Variants in MAGI1 observed in about 807,000 individuals in gnomAD.
The protein encoded by MAGI1 is membrane-associated guanylate kinase, WW and PDZ domain-containing protein 1.
MAGI1 carries 58 observed loss-of-function variants against 139.9 expected under a neutral mutation model. That is an observed-to-expected ratio of 0.41 (90% CI 0.34 to 0.52). The LOEUF is 0.52. Among genes scored for constraint, MAGI1 ranks in the 20% least tolerant of loss-of-function variants. The pLI is 0.12. For synonymous variants in MAGI1, 812 were observed against 737.9 expected (o/e 1.10, Z -1.63); for missense variants, 1,874 against 1,901.6 (o/e 0.99, Z 0.27).
At chr3:65,388,323 G>A (rs141247348) in intron 14 of MAGI1, among the ~76,000 whole-genome samples, 381 of 152,246 alleles carry the variant, frequency 2.5e-3, no homozygotes, top group African/African-American at 8.9e-3. Context: ...AAAGAAAAAT[G>A]TATTTCCAAC....
chr3:65,814,746 G>A (rs772290151), intron 1 of MAGI1, among the ~76,000 whole-genome samples: 1 of 151,976 alleles, frequency 6.6e-6, no homozygotes, highest in Non-Finnish European at 1.5e-5. Flanking sequence ...GAAAAATATG[G>A]CTGTCATCTT....
chr3:65,868,933 A>C (rs1235705924), intron 1 of MAGI1, among the ~76,000 whole-genome samples: 1 of 152,018 alleles, frequency 6.6e-6, no homozygotes, highest in Non-Finnish European at 1.5e-5. Flanking sequence ...ACCCTGCCCT[A>C]CTTTTTCCTT....
chr3:65,835,295 AC>A (rs1443253312), intron 1 of MAGI1, among the ~76,000 whole-genome samples: 1 of 152,222 alleles, frequency 6.6e-6, no homozygotes, highest in Admixed American at 6.5e-5. Context: ...CTATGTAACT[AC>A]CTTATTCACA....
At chr3:65,425,247 T>C (rs1242664827) in intron 12 of MAGI1, among the ~76,000 whole-genome samples, 2 of 152,146 alleles carry the variant, frequency 1.3e-5, no homozygotes, top group African/African-American at 4.8e-5. Context: ...TGCTTTATCA[T>C]GTGATGACTA....
chr3:65,769,429 C>T (rs1402702451), intron 1 of MAGI1, among the ~76,000 whole-genome samples: 1 of 152,048 alleles, frequency 6.6e-6, no homozygotes, highest in Non-Finnish European at 1.5e-5. Flanking sequence ...TTTTAGGCTG[C>T]AGTAAGCTAT....
chr3:65,454,526 T>TATAATA (rs35819390), intron 5 of MAGI1, among the ~76,000 whole-genome samples: 123 of 83,104 alleles, frequency 1.5e-3, no homozygotes, highest in Middle Eastern at 0.014. Context: ...AAACTGAAAG[T>TATAATA]ATAATAATAA....
At chr3:65,545,698 G>A (rs753764643) in intron 2 of MAGI1, among the ~76,000 whole-genome samples, 18 of 151,854 alleles carry the variant, frequency 1.2e-4, no homozygotes, top group Admixed American at 2.6e-4. Context: ...TTCTCGAGAG[G>A]CCTCCCTCAT....
At chr3:65,764,996 A>T (rs1326200471) in intron 1 of MAGI1, among the ~76,000 whole-genome samples, 3 of 152,200 alleles carry the variant, frequency 2.0e-5, no homozygotes, top group African/African-American at 7.2e-5. Flanking sequence ...ACAATCATTA[A>T]AGAAATTATA....
intron 1 of MAGI1, among the ~76,000 whole-genome samples, chr3:65,808,013 T>C (rs1297890095): frequency 6.7e-6 from 1 of 150,250 alleles, no homozygotes; most frequent in Non-Finnish European, 1.5e-5. Context: ...GTCAGGACTT[T>C]TTTTTTTTTT....
chr3:65,367,576 T>TA (rs1559899561), intron 18 of MAGI1, among the ~76,000 whole-genome samples: 1 of 152,210 alleles, frequency 6.6e-6, no homozygotes, highest in Non-Finnish European at 1.5e-5. Flanking sequence ...AGCACTGTGC[T>TA]AAGTCCATTA....
Position 65,962,999 on chromosome 3 carries a change from C to T in MAGI1, c.313+74997G>A, listed in dbSNP as rs1576280456. 6.6e-5 allele frequency among the ~76,000 whole-genome samples: 9 copies of T among 136,154 alleles called. No individual in the cohort carries two copies. The South Asian group carries it at 1.6e-3, about 25-fold the overall frequency. 89.3% of individuals were successfully genotyped at this position (136,154 alleles called of 152,430 possible). ...TTTTTTTTAAACACTGCATATAAAACAATGAAGTAATTTGTTCAGAGAGTT... is the reference window on the plus strand; with the variant it reads ...TTTTTTTTAAACACTGCATATAAAATAATGAAGTAATTTGTTCAGAGAGTT... On this transcript the variant is annotated intron_variant, in intron 1 of 22. Coordinates refer to ENST00000402939, the MANE Select transcript of MAGI1 (RefSeq NM_001033057.2).
At chr3:65,518,456 C>T (rs990755764) in intron 2 of MAGI1, among the ~76,000 whole-genome samples, 23 of 152,132 alleles carry the variant, frequency 1.5e-4, no homozygotes, top group Admixed American at 1.5e-3. Context: ...TGGGGCTTAA[C>T]TTCACGAGAA....
Position 65,356,586 on chromosome 3 carries a change from C to A in MAGI1, c.4181G>T (p.Arg1394Leu), listed in dbSNP as rs748944757. The change falls in exon 23 of 23, where the codon CGC (arginine) becomes CTC (leucine). Residue 1394 changes from arginine to leucine, a missense_variant. By Grantham distance (102) the Arg-to-Leu change is moderately radical (BLOSUM62 -2). This residue lies in a region of MAGI1 where 653 missense variants were observed against 644.5 expected (regional missense o/e 1.01). Transcript: ENST00000402939. The stretch of plus-strand genomic sequence containing the variant: ...CCTCCGGTCGGTGGACTTGGCCCTG[C>A]GCTCGGGCGAGCCCCCTCTCCTGCG... ...PERRRGGSPE[R>L]RAKSTDRRRA... 6.3e-7 allele frequency: 1 copy of A among 1,598,190 alleles called. No individual in the cohort carries two copies. Among genetic ancestry groups the A allele is most frequent in the South Asian group, 1.1e-5 (1 of 89,730 alleles).
At chr3:65,865,987 T>A (rs2059711230) in intron 1 of MAGI1, among the ~76,000 whole-genome samples, 1 of 152,216 alleles carries the variant, frequency 6.6e-6, no homozygotes, top group Non-Finnish European at 1.5e-5. Flanking sequence ...TGACATGGAA[T>A]GATGTTCATA....
intron 1 of MAGI1, among the ~76,000 whole-genome samples, chr3:65,709,304 C>T (rs1011227233): frequency 6.6e-6 from 1 of 152,166 alleles, no homozygotes; most frequent in Non-Finnish European, 1.5e-5. Flanking sequence ...TGAAAACCTG[C>T]TATCTCTTTT....
intron 1 of MAGI1, among the ~76,000 whole-genome samples, chr3:65,702,836 C>T (rs776757190): frequency 1.8e-4 from 27 of 152,204 alleles, no homozygotes; most frequent in Middle Eastern, 3.4e-3. Flanking sequence ...CCTTAATGCA[C>T]ACTTATCACA....
At chr3:65,808,776 C>A (rs78215580) in intron 1 of MAGI1, among the ~76,000 whole-genome samples, 11,541 of 151,288 alleles carry the variant, frequency 0.076, 644 homozygotes, top group Non-Finnish European at 0.12. Context: ...GGACTTGCAC[C>A]GCACACAGGA....
At chr3:65,461,236 G>C (rs1191613669) in intron 5 of MAGI1, among the ~76,000 whole-genome samples, 1 of 151,754 alleles carries the variant, frequency 6.6e-6, no homozygotes, top group East Asian at 1.9e-4. Context: ...TATTTTTTGC[G>C]ATGGAGTCTT....
chr3:65,694,463 C>T (rs2088966622), intron 1 of MAGI1, among the ~76,000 whole-genome samples: 1 of 152,160 alleles, frequency 6.6e-6, no homozygotes. Flanking sequence ...GAAGTGTTCT[C>T]ATCACCACCA....
Sources: gnomAD v4.1 joint callset for allele counts (sites outside exome capture counted in the v4.1 genomes callset) on GRCh38, gnomAD v4.1.1 for gene constraint, gnomAD v4.1.1 regional missense constraint, MANE v1.5 for transcripts, NCBI Gene and HGNC (gene_info 2026-07-23, HGNC 2026-07-21) for gene names.